The following GRIA4 variants were observed in gnomAD, a reference collection of about 807,000 sequenced individuals.
The protein encoded by GRIA4 is glutamate ionotropic receptor AMPA type subunit 4, also known as glutamate receptor 4.
A neutral mutation model predicts 104.0 loss-of-function variants in GRIA4; 34 were observed. The observed-to-expected ratio is 0.33, with a 90% CI of 0.25 to 0.44. The LOEUF (loss-of-function observed/expected upper bound fraction) is 0.44, where lower values mean the gene tolerates loss of function less well. Ranked by LOEUF, GRIA4 falls within the 20% of genes least tolerant of loss-of-function variation. The pLI is 1.00. For missense variants in GRIA4, 750 were observed against 1,096.5 expected, an observed-to-expected ratio of 0.68 and a Z score of 4.46; for synonymous variants, 386 against 381.9, an observed-to-expected ratio of 1.01 and a Z score of -0.13.
intron 4 of GRIA4, among the ~76,000 whole-genome samples, chr11:105,782,993 T>C (rs1018579603): frequency 1.3e-5 from 2 of 152,174 alleles, no homozygotes. Context: ...TAAAGTTTTA[T>C]CAATATGCAA....
At chr11:105,707,344 T>C (rs1468067866) in intron 3 of GRIA4, 1 of 152,284 alleles carries the variant, frequency 6.6e-6, no homozygotes, top group Non-Finnish European at 1.5e-5. Context: ...TTGAAAAATA[T>C]ATTCAGGAAG....
intron 4 of GRIA4, among the ~76,000 whole-genome samples, chr11:105,826,192 A>T (rs1456505831): frequency 6.6e-6 from 1 of 151,890 alleles, no homozygotes; most frequent in Non-Finnish European, 1.5e-5. Context: ...GATGGAGGGG[A>T]TATGGAGTGG....
chr11:105,849,920 C>T (rs963291009), intron 4 of GRIA4, among the ~76,000 whole-genome samples: 2 of 152,134 alleles, frequency 1.3e-5, no homozygotes, highest in African/African-American at 4.8e-5. Flanking sequence ...AATGTATTTT[C>T]TGTGTTCTGT....
rs60005308 is a variant in GRIA4, at chr11:105,911,775, AATAT to A, written c.1269+1261_1269+1264del. The A allele has an allele frequency of 3.7e-3, 277 of 74,516 alleles. 8 individuals are homozygous for A. The highest frequency in any genetic ancestry group is 9.6e-3 in the South Asian group (18 of 1,880). 4.6% of individuals were successfully genotyped at this position (74,516 alleles called of 1,614,324 possible). ...AATATTTGCATGGGACTTGAAAAGC[AATAT>A]ATATATATATATATATATATATATA... is the stretch of plus-strand genomic sequence containing the variant. On this transcript the variant is annotated intron_variant, in intron 10 of 16. Coordinates refer to ENST00000282499, the MANE Select transcript of GRIA4 (RefSeq NM_000829.4).
At chr11:105,796,971 T>A (rs1266026242) in intron 4 of GRIA4, among the ~76,000 whole-genome samples, 1 of 152,004 alleles carries the variant, frequency 6.6e-6, no homozygotes, top group Non-Finnish European at 1.5e-5. Context: ...GTGGCTCATA[T>A]CTGTAATCCC....
chr11:105,978,609 G>A (rs1859113693), intron 16 of GRIA4, among the ~76,000 whole-genome samples: 2 of 152,076 alleles, frequency 1.3e-5, no homozygotes, highest in African/African-American at 4.8e-5. Flanking sequence ...ACACAGGGAT[G>A]GAATTTCCTA....
intron 4 of GRIA4, among the ~76,000 whole-genome samples, chr11:105,763,483 T>C (rs1940768503): frequency 6.6e-6 from 1 of 152,208 alleles, no homozygotes; most frequent in African/African-American, 2.4e-5. Context: ...ATTGAACTGA[T>C]GACAATAGCC....
intron 4 of GRIA4, among the ~76,000 whole-genome samples, chr11:105,774,709 A>T (rs1941375935): frequency 6.6e-6 from 1 of 152,142 alleles, no homozygotes; most frequent in Admixed American, 6.6e-5. Flanking sequence ...TAAAGAAATG[A>T]ATTATACTTA....
intron 4 of GRIA4, among the ~76,000 whole-genome samples, chr11:105,818,554 T>C (rs1416577837): frequency 6.6e-6 from 1 of 152,188 alleles, no homozygotes; most frequent in East Asian, 1.9e-4. Flanking sequence ...CAGAGATAAT[T>C]CAGATGGATA....
chr11:105,736,423 T>C (rs1024707118), intron 3 of GRIA4, among the ~76,000 whole-genome samples: 1 of 152,196 alleles, frequency 6.6e-6, no homozygotes, highest in Non-Finnish European at 1.5e-5. Context: ...TTTGAAATAC[T>C]CATGATTATT....
intron 4 of GRIA4, among the ~76,000 whole-genome samples, chr11:105,848,838 C>T (rs1944690626): frequency 6.6e-6 from 1 of 152,056 alleles, no homozygotes; most frequent in Admixed American, 6.6e-5. Context: ...GTGGAGAGTG[C>T]AGCTGTATGG....
At chr11:105,843,019 G>A (rs1944452484) in intron 4 of GRIA4, 1 of 152,134 alleles carries the variant, frequency 6.6e-6, no homozygotes, top group African/African-American at 2.4e-5. Context: ...CTTGAAGACT[G>A]TTGACTTCCT....
At chr11:105,720,749 G>T (rs1446820709) in intron 3 of GRIA4, among the ~76,000 whole-genome samples, 1 of 152,116 alleles carries the variant, frequency 6.6e-6, no homozygotes, top group African/African-American at 2.4e-5. Context: ...GGGTTGAGTA[G>T]ATAAATCTCC....
chr11:105,714,555 A>G (rs1954026145), intron 3 of GRIA4, among the ~76,000 whole-genome samples: 1 of 152,150 alleles, frequency 6.6e-6, no homozygotes, highest in South Asian at 2.1e-4. Context: ...ACTTTATTAT[A>G]AAACATCAAT....
At chr11:105,855,625 T>G (rs1168006779) in intron 4 of GRIA4, among the ~76,000 whole-genome samples, 2 of 152,108 alleles carry the variant, frequency 1.3e-5, no homozygotes, top group East Asian at 3.9e-4. Flanking sequence ...TTATTCAAAT[T>G]TTTCAAAAAT....
chr11:105,921,312 T>G (rs1037201699), intron 11 of GRIA4, among the ~76,000 whole-genome samples: 3 of 146,686 alleles, frequency 2.0e-5, no homozygotes, highest in Non-Finnish European at 3.0e-5. Flanking sequence ...CTTGGGTGTG[T>G]GTGTGTGTGT....
chr11:105,922,731 C>T (rs1271254073), intron 11 of GRIA4, among the ~76,000 whole-genome samples: 3 of 151,942 alleles, frequency 2.0e-5, no homozygotes, highest in Non-Finnish European at 4.4e-5. Context: ...ATTAAAAATA[C>T]TCTTCATAGA....
intron 7 of GRIA4, among the ~76,000 whole-genome samples, chr11:105,900,470 C>T (rs768463485): frequency 5.9e-5 from 9 of 152,162 alleles, no homozygotes; most frequent in Non-Finnish European, 8.8e-5. Context: ...GCACGTGCTT[C>T]TACCTCAAAA....
intron 3 of GRIA4, among the ~76,000 whole-genome samples, chr11:105,675,741 G>A (rs1185643736): frequency 6.6e-6 from 1 of 151,766 alleles, no homozygotes; most frequent in Admixed American, 6.6e-5. Flanking sequence ...CTTACCAAGT[G>A]CTTTTATTAC....
Sources: allele counts gnomAD v4.1 joint callset (sites outside exome capture counted in the v4.1 genomes callset), GRCh38; gene constraint gnomAD v4.1.1; transcripts MANE v1.5; gene names NCBI Gene and HGNC (gene_info 2026-07-23, HGNC 2026-07-21).